TRHDE: variants seen among roughly 807,000 people sequenced by gnomAD.
TRHDE encodes the protein thyrotropin releasing hormone degrading enzyme.
In TRHDE, 72 loss-of-function variants were observed where a neutral mutation model predicts 125.7. The observed-to-expected ratio is 0.57, with a 90% CI of 0.47 to 0.70. TRHDE has a LOEUF of 0.70. Ranked by LOEUF, TRHDE falls within the 30% of genes least tolerant of loss-of-function variation. The pLI is 0.00. For missense variants in TRHDE, 1,110 were observed against 1,327.1 expected (o/e 0.84, Z 2.54); for synonymous variants, 509 against 509.1 (o/e 1.00, Z 0.00).
chr12:72,454,270 G>A (rs1875730722), intron 3 of TRHDE, among the ~76,000 whole-genome samples: 1 of 151,904 alleles, frequency 6.6e-6, no homozygotes, highest in African/African-American at 2.4e-5. Flanking sequence ...AATGGTTGAG[G>A]GATCTAAACA....
At chr12:72,532,265 A>G (rs956850159) in intron 6 of TRHDE, among the ~76,000 whole-genome samples, 21 of 151,686 alleles carry the variant, frequency 1.4e-4, no homozygotes, top group Non-Finnish European at 7.4e-5. Context: ...TATTTTATTC[A>G]TTAATCTCAT....
chr12:72,568,089 G>A (rs1358693617), intron 9 of TRHDE, among the ~76,000 whole-genome samples: 3 of 151,840 alleles, frequency 2.0e-5, no homozygotes, highest in Non-Finnish European at 4.4e-5. Context: ...CTTTAGATAC[G>A]TCATATTAAC....
intron 2 of TRHDE, among the ~76,000 whole-genome samples, chr12:72,368,666 A>G (rs1871443050): frequency 1.3e-5 from 2 of 152,204 alleles, no homozygotes; most frequent in African/African-American, 4.8e-5. Context: ...CAGCATGTGA[A>G]TAGTGACCTG....
rs183459063 is a variant in TRHDE at position 72,413,968 on chromosome 12, C to T, written c.1315+35847C>T. On this transcript the variant is annotated intron_variant, in intron 3 of 18. Coordinates refer to ENST00000261180, the MANE Select transcript of TRHDE (RefSeq NM_013381.3). The stretch of plus-strand genomic sequence containing the variant: ...ATAAAATGAGATAAGTATGCTAGCT[C>T]TTAGTAAGGTGACTTTTAAAGAGTA... Among the ~76,000 whole-genome samples, 158 of 152,108 alleles carry T rather than the reference C, an allele frequency of 1.0e-3. 1 individual carries two copies. The highest frequency in any genetic ancestry group is 3.6e-3 in the African/African-American group (151 of 41,534).
chr12:72,489,452 T>C (rs1328964640), intron 5 of TRHDE, among the ~76,000 whole-genome samples: 1 of 151,824 alleles, frequency 6.6e-6, no homozygotes, highest in Non-Finnish European at 1.5e-5. Context: ...ATGATTCCTC[T>C]CAAAATCCCA....
intron 6 of TRHDE, among the ~76,000 whole-genome samples, chr12:72,534,843 T>C (rs1565781528): frequency 6.6e-6 from 1 of 152,108 alleles, no homozygotes; most frequent in Non-Finnish European, 1.5e-5. Context: ...ACATTGCAAC[T>C]GATATAAATA....
intron 5 of TRHDE, among the ~76,000 whole-genome samples, chr12:72,495,836 T>G (rs1200550664): frequency 6.6e-6 from 1 of 152,154 alleles, no homozygotes; most frequent in East Asian, 1.9e-4. Context: ...TTTCTTTACT[T>G]TTCTGAAATG....
intron 12 of TRHDE, among the ~76,000 whole-genome samples, chr12:72,586,466 T>C (rs1174022477): frequency 6.6e-6 from 1 of 152,196 alleles, no homozygotes; most frequent in African/African-American, 2.4e-5. Flanking sequence ...AGGCCTTCAC[T>C]ATTTTGGATG....
chr12:72,109,370 T>C (rs760986665), intron 2 of TRHDE, among the ~76,000 whole-genome samples: 1 of 152,112 alleles, frequency 6.6e-6, no homozygotes, highest in Non-Finnish European at 1.5e-5. Flanking sequence ...TTTCTAAGGA[T>C]AGTCAAAGAA....
At chr12:72,563,819 G>A (rs562810779) in intron 9 of TRHDE, among the ~76,000 whole-genome samples, 1 of 143,852 alleles carries the variant, frequency 7.0e-6, no homozygotes, top group South Asian at 2.5e-4. Context: ...GTGGGGGATG[G>A]GAGCTACAGA....
At chr12:72,629,240 TA>T (rs1366117231) in intron 15 of TRHDE, among the ~76,000 whole-genome samples, 1 of 151,804 alleles carries the variant, frequency 6.6e-6, no homozygotes, top group Non-Finnish European at 1.5e-5. Flanking sequence ...TTTACTTTTT[TA>T]AAAAATTATA....
At chr12:72,625,232 A>G (rs1213300714) in intron 15 of TRHDE, among the ~76,000 whole-genome samples, 1 of 151,916 alleles carries the variant, frequency 6.6e-6, no homozygotes, top group African/African-American at 2.4e-5. Context: ...ATAATAATGT[A>G]TTTAAATACT....
intron 2 of TRHDE, among the ~76,000 whole-genome samples, chr12:72,231,763 C>CTA (rs1878250909): frequency 6.6e-6 from 1 of 152,106 alleles, no homozygotes; most frequent in Non-Finnish European, 1.5e-5. Flanking sequence ...TAGGAAGCAC[C>CTA]ACTTCAGAGT....
At chr12:72,512,996 CTT>C (rs889681582) in intron 6 of TRHDE, among the ~76,000 whole-genome samples, 23 of 151,974 alleles carry the variant, frequency 1.5e-4, no homozygotes, top group Admixed American at 3.9e-4. Flanking sequence ...TGAGGAATGA[CTT>C]TTAATCAGCA....
At chr12:72,642,431 C>A (rs1021102811) in intron 15 of TRHDE, among the ~76,000 whole-genome samples, 1 of 152,116 alleles carries the variant, frequency 6.6e-6, no homozygotes, top group African/African-American at 2.4e-5. Flanking sequence ...AACTCTGTCA[C>A]AATCCTATTT....
intron 6 of TRHDE, 111 bp downstream of exon 6, chr12:72,499,746 T>A: frequency 8.1e-7 from 1 of 1,233,750 alleles, no homozygotes; most frequent in Non-Finnish European, 1.1e-6. Context: ...AGACATAGAC[T>A]GTGATTTAGA....
At chr12:72,143,468 GA>G (rs1876162465) in intron 2 of TRHDE, among the ~76,000 whole-genome samples, 1 of 151,982 alleles carries the variant, frequency 6.6e-6, no homozygotes, top group African/African-American at 2.4e-5. Context: ...TGAGAATTAT[GA>G]GTATGATTAT....
rs144682684 is a variant in TRHDE at position 72,506,929 on chromosome 12, G to A, written c.1722+7294G>A. On this transcript the variant is annotated intron_variant, in intron 6 of 18. Transcript: ENST00000261180. ...AGAAGGGGCCTGGTGGGAGGTGATT[G>A]GATCATGGGGGCAGATTTCCCCCTT... 1.8e-4 allele frequency among the ~76,000 whole-genome samples: 28 copies of A among 152,250 alleles called. No homozygotes were observed. The East Asian group carries it at 4.8e-3, about 26-fold the overall frequency.
At chr12:72,328,013 T>G (rs1267050834) in intron 2 of TRHDE, among the ~76,000 whole-genome samples, 2 of 152,162 alleles carry the variant, frequency 1.3e-5, no homozygotes, top group Non-Finnish European at 2.9e-5. Flanking sequence ...TCACTTGGAT[T>G]TTTGCATACT....
Sources: allele counts gnomAD v4.1 joint callset (sites outside exome capture counted in the v4.1 genomes callset), GRCh38; gene constraint gnomAD v4.1.1; transcripts MANE v1.5; gene names NCBI Gene and HGNC (gene_info 2026-07-23, HGNC 2026-07-21).